EFCAB5: variants seen among roughly 807,000 people sequenced by gnomAD.
The protein encoded by EFCAB5 is EF-hand calcium-binding domain-containing protein 5.
In EFCAB5, 131 loss-of-function variants were observed where a neutral mutation model predicts 167.9. The ratio of observed to expected loss-of-function variants is 0.78; its 90% CI spans 0.68 to 0.90. The LOEUF (loss-of-function observed/expected upper bound fraction) is 0.90, where lower values mean the gene tolerates loss of function less well. Among genes scored for constraint, EFCAB5 ranks in the 40% least tolerant of loss-of-function variants. EFCAB5 has a pLI of 0.00. For synonymous variants in EFCAB5, 574 were observed against 602.8 expected, an observed-to-expected ratio of 0.95 and a Z score of 0.70; for missense variants, 1,663 against 1,745.2, an observed-to-expected ratio of 0.95 and a Z score of 0.84.
intron 4 of EFCAB5, among the ~76,000 whole-genome samples, chr17:29,987,904 A>C (rs894587284): frequency 2.0e-5 from 3 of 152,192 alleles, no homozygotes; most frequent in African/African-American, 7.2e-5. Flanking sequence ...GTGTCCACAC[A>C]TACATGTACA....
At chr17:29,962,670 T>C (rs904595626) in intron 3 of EFCAB5, among the ~76,000 whole-genome samples, 1 of 149,806 alleles carries the variant, frequency 6.7e-6, no homozygotes, top group Non-Finnish European at 1.5e-5. Context: ...TCTCGGTATG[T>C]TGCCCTATTG....
At chr17:30,061,469 T>A (rs4795525) in intron 14 of EFCAB5, among the ~76,000 whole-genome samples, 94,513 of 152,110 alleles carry the variant, frequency 0.62, 31,633 homozygotes, top group African/African-American at 0.88. Context: ...TTTAAATAGC[T>A]TAAAATCATA....
intron 14 of EFCAB5, among the ~76,000 whole-genome samples, chr17:30,070,538 T>TTA (rs1360606413): frequency 6.6e-6 from 1 of 152,238 alleles, no homozygotes; most frequent in East Asian, 1.9e-4. Flanking sequence ...ATCCATATAT[T>TTA]TACAGCCAAC....
chr17:30,032,314 C>G (rs1020522727), intron 7 of EFCAB5, among the ~76,000 whole-genome samples: 29 of 152,162 alleles, frequency 1.9e-4, no homozygotes, highest in African/African-American at 7.0e-4. Context: ...AACAGACTTT[C>G]CCGGCAGTCT....
At chr17:30,007,432 T>C (rs1356551135) in intron 7 of EFCAB5, among the ~76,000 whole-genome samples, 1 of 152,244 alleles carries the variant, frequency 6.6e-6, no homozygotes, top group Non-Finnish European at 1.5e-5. Flanking sequence ...CAGAGTCTTA[T>C]TTTACTCATA....
At chr17:29,959,060 G>A (rs531588269) in intron 3 of EFCAB5, among the ~76,000 whole-genome samples, 9 of 152,262 alleles carry the variant, frequency 5.9e-5, no homozygotes, top group Admixed American at 2.6e-4. Flanking sequence ...CACAAGCCCC[G>A]CTGTGGCCAC....
At position 30,073,512 on chromosome 17, in the gene EFCAB5, C is replaced by G. The variant is rs563049506; in HGVS notation, c.2738-4703C>G. 33 of 570,328 alleles carry G rather than the reference C, an allele frequency of 5.8e-5. No individual in the cohort carries two copies. In the East Asian group the frequency reaches 9.2e-4, roughly 16 times the overall value. 35.3% of individuals were successfully genotyped at this position (570,328 alleles called of 1,614,324 possible). On this transcript the variant is annotated intron_variant, in intron 14 of 22. Coordinates refer to ENST00000394835, the MANE Select transcript of EFCAB5 (RefSeq NM_198529.4). ...TCTGTCCCTCTCTCCTTCCATCTCTCTTATTTTTGATGCATGTGGTCCATT... is the reference window on the plus strand; with the variant it reads ...TCTGTCCCTCTCTCCTTCCATCTCTGTTATTTTTGATGCATGTGGTCCATT...
In EFCAB5 at chr17:30,059,598, T is replaced by G. The variant is rs766061634; in HGVS notation, c.2634T>G (p.Phe878Leu). ...AGAGGCTTCTCCTAGAAGCCATCTTTCAGAAGTGGGACAGTGATGGCTCAG... is the reference window on the plus strand; with the variant it reads ...AGAGGCTTCTCCTAGAAGCCATCTTGCAGAAGTGGGACAGTGATGGCTCAG... ...VRQRLLLEAI[F>L]QKWDSDGSGF... The change falls in exon 14 of 23, where the codon TTT (phenylalanine) becomes TTG (leucine). Residue 878 changes from phenylalanine to leucine, a missense_variant. Phe to Leu is a conservative substitution (Grantham distance 22). Coordinates refer to ENST00000394835, the MANE Select transcript of EFCAB5 (RefSeq NM_198529.4). 1 of 1,611,662 alleles carries G rather than the reference T, an allele frequency of 6.2e-7. No individual in the cohort carries two copies. The highest frequency in any genetic ancestry group is 1.1e-5 in the South Asian group (1 of 90,766).
chr17:29,957,416 T>A (rs557864825), intron 3 of EFCAB5, among the ~76,000 whole-genome samples: 1 of 152,156 alleles, frequency 6.6e-6, no homozygotes, highest in Non-Finnish European at 1.5e-5. Flanking sequence ...GCTGCACCTA[T>A]CAAACCATCA....
Position 30,038,971 on chromosome 17 carries a change from C to T in EFCAB5, c.1200+4586C>T, listed in dbSNP as rs564939115. Among the ~76,000 whole-genome samples, 5 of 152,174 alleles carry T rather than the reference C, an allele frequency of 3.3e-5. No homozygotes were observed. The East Asian group carries it at 9.7e-4, about 29-fold the overall frequency. On this transcript the variant is annotated intron_variant, in intron 8 of 22. Transcript: ENST00000394835. ...AGGGACCGAGACCCACCTGGTGTGA[C>T]GAATAAACCCAAACTCTCAGCAATG...
chr17:30,002,842 T>C (rs1237295011), intron 7 of EFCAB5, among the ~76,000 whole-genome samples: 1 of 152,206 alleles, frequency 6.6e-6, no homozygotes, highest in African/African-American at 2.4e-5. Context: ...GGATATAGAA[T>C]TCTTGATTGA....
At chr17:30,084,862 T>C (rs1212633000) in intron 18 of EFCAB5, among the ~76,000 whole-genome samples, 1 of 152,170 alleles carries the variant, frequency 6.6e-6, no homozygotes, top group Non-Finnish European at 1.5e-5. Flanking sequence ...GATGCTTCTG[T>C]TTCCCTCTCT....
At chr17:30,036,137 A>C (rs1050699509) in intron 8 of EFCAB5, among the ~76,000 whole-genome samples, 10 of 142,422 alleles carry the variant, frequency 7.0e-5, no homozygotes, top group African/African-American at 2.1e-4. Flanking sequence ...GAGGCACTCT[A>C]TATATAATAT....
At position 30,062,405 on chromosome 17, in the gene EFCAB5, G is replaced by A. The variant is rs1462442575; in HGVS notation, c.2737+2704G>A. Among the ~76,000 whole-genome samples, 9 of 152,190 alleles carry A rather than the reference G, an allele frequency of 5.9e-5. No individual in the cohort carries two copies. The East Asian group carries it at 1.5e-3, about 26-fold the overall frequency. On this transcript the variant is annotated intron_variant, in intron 14 of 22. Transcript: ENST00000394835. ...ACTGGGAAGAACTTCTACCTATGAA[G>A]TGGAAGTAAGCAAGAGGATCCCAGC...
chr17:29,971,918 T>C (rs1269616871), intron 4 of EFCAB5, among the ~76,000 whole-genome samples: 1 of 152,238 alleles, frequency 6.6e-6, no homozygotes, highest in Non-Finnish European at 1.5e-5. Context: ...CATGGATGCA[T>C]GGATTTTAAT....
At chr17:30,077,357 G>A (rs2070888312) in intron 14 of EFCAB5, among the ~76,000 whole-genome samples, 1 of 152,034 alleles carries the variant, frequency 6.6e-6, no homozygotes, top group Non-Finnish European at 1.5e-5. Flanking sequence ...TTGTTTAGAA[G>A]TGTGTGTGCA....
chr17:30,069,095 G>T, intron 14 of EFCAB5: 1 of 1,457,146 alleles, frequency 6.9e-7, no homozygotes, highest in South Asian at 1.1e-5. Context: ...AGAGCCATCC[G>T]AGTTAAAAGA....
intron 14 of EFCAB5, among the ~76,000 whole-genome samples, chr17:30,060,351 T>C (rs1320205522): frequency 6.6e-6 from 1 of 152,208 alleles, no homozygotes; most frequent in African/African-American, 2.4e-5. Context: ...TACTAACTTC[T>C]TATTCTCCTT....
chr17:29,955,315 G>C (rs1454326144), intron 3 of EFCAB5, among the ~76,000 whole-genome samples: 1 of 152,110 alleles, frequency 6.6e-6, no homozygotes, highest in Non-Finnish European at 1.5e-5. Flanking sequence ...TCATGGGAGG[G>C]ACCTGGTGGG....
Sources: gnomAD v4.1 joint callset for allele counts (sites outside exome capture counted in the v4.1 genomes callset) on GRCh38, gnomAD v4.1.1 for gene constraint, MANE v1.5 for transcripts, NCBI Gene and HGNC (gene_info 2026-07-23, HGNC 2026-07-21) for gene names.